CHD9: variants seen among roughly 807,000 people sequenced by gnomAD.
The protein encoded by CHD9 is chromodomain helicase DNA binding protein 9.
In CHD9, 77 loss-of-function variants were observed where a neutral mutation model predicts 316.1. That is an observed-to-expected ratio of 0.24 (90% CI 0.20 to 0.29). CHD9 has a LOEUF of 0.29. Among genes scored for constraint, CHD9 ranks in the 10% least tolerant of loss-of-function variants. The probability of loss-of-function intolerance (pLI) is 1.00; values close to 1 mark genes in which losing one functional copy is unlikely to be tolerated. For synonymous variants in CHD9, 1,129 were observed against 1,158.3 expected, an observed-to-expected ratio of 0.97 and a Z score of 0.51; for missense variants, 2,763 against 3,438.1, an observed-to-expected ratio of 0.80 and a Z score of 4.91.
At chr16:53,272,984 G>C (rs1404736364) in intron 22 of CHD9, among the ~76,000 whole-genome samples, 1 of 152,086 alleles carries the variant, frequency 6.6e-6, no homozygotes, top group East Asian at 1.9e-4. Flanking sequence ...AGCTACTCAG[G>C]AGGCTGAGGG....
intron 2 of CHD9, chr16:53,208,174 A>G: frequency 9.2e-7 from 1 of 1,092,190 alleles, no homozygotes; most frequent in Non-Finnish European, 1.1e-6. Context: ...TGATAAATCA[A>G]AATGTGTATT....
rs1440208008 is a variant in CHD9 at position 53,254,583 on chromosome 16, G to A, written c.4007G>A (p.Gly1336Glu). 1 of 1,606,322 alleles carries A rather than the reference G, an allele frequency of 6.2e-7. No homozygotes were observed. Among genetic ancestry groups the A allele is most frequent in the Non-Finnish European group, 8.5e-7 (1 of 1,176,004 alleles). Reference sequence around the variant, plus strand: ...AAAGCTGTGTTACAGAGCATGAGTGGAAGAGAAAGTAATGTTGGTGGTGTA... The same window carrying A: ...AAAGCTGTGTTACAGAGCATGAGTGAAAGAGAAAGTAATGTTGGTGGTGTA... Reference protein sequence around the residue: ...LDKAVLQSMSGRESNVGGIQQ... With the variant: ...LDKAVLQSMSERESNVGGIQQ... Residue 1336 changes from glycine to glutamate, a missense_variant, in exon 18 of 39, where the codon GGA becomes GAA. Around this residue, in one of 15 missense-constraint regions of CHD9, gnomAD observed 199 missense variants for 251.7 expected, o/e 0.79. Coordinates refer to ENST00000447540, the MANE Select transcript of CHD9 (RefSeq NM_001308319.2).
intron 13 of CHD9, among the ~76,000 whole-genome samples, chr16:53,244,016 A>G (rs2049335510): frequency 6.6e-6 from 1 of 152,150 alleles, no homozygotes; most frequent in Non-Finnish European, 1.5e-5. Context: ...ATTTGCTGCC[A>G]TATACATAAT....
chr16:53,132,055 C>T (rs2039366317), intron 1 of CHD9, among the ~76,000 whole-genome samples: 1 of 152,186 alleles, frequency 6.6e-6, no homozygotes, highest in South Asian at 2.1e-4. Context: ...GCTGCCAGCT[C>T]AGACTGGTTT....
At chr16:53,151,877 A>G (rs900567455) in intron 1 of CHD9, among the ~76,000 whole-genome samples, 2 of 152,034 alleles carry the variant, frequency 1.3e-5, no homozygotes, top group Non-Finnish European at 2.9e-5. Flanking sequence ...GTTTTTGACC[A>G]TCAAATCTAA....
At chr16:53,181,882 C>A (rs2043553326) in intron 2 of CHD9, among the ~76,000 whole-genome samples, 1 of 152,112 alleles carries the variant, frequency 6.6e-6, no homozygotes, top group Admixed American at 6.5e-5. Context: ...GAGTTTGAGA[C>A]CAGCCTGGCC....
chr16:53,100,453 C>CTTTTTTTTTTTTTTT (rs61450186), intron 1 of CHD9, among the ~76,000 whole-genome samples: 1 of 129,636 alleles, frequency 7.7e-6, no homozygotes, highest in Non-Finnish European at 1.7e-5. Flanking sequence ...ACTCATTCGT[C>CTTTTTTTTTTTTTTT]TTTTTTTTTT....
At position 53,106,606 on chromosome 16, in the gene CHD9, A is replaced by G. The variant is rs556541331; in HGVS notation, c.-164-49320A>G. Reference sequence around the variant, plus strand: ...ATCATTGTTAGCTGAGAGGAAAAGAAAAAAGGTTCATAATCTAGTTAAAGA... The same window carrying G: ...ATCATTGTTAGCTGAGAGGAAAAGAGAAAAGGTTCATAATCTAGTTAAAGA... On this transcript the variant is annotated intron_variant, in intron 1 of 38. Transcript: ENST00000447540. Among the ~76,000 whole-genome samples the G allele has an allele frequency of 2.0e-5, 3 of 152,290 alleles. No individual in the cohort carries two copies. The South Asian group carries it at 6.2e-4, about 32-fold the overall frequency.
chr16:53,058,740 A>C (rs1432470723), intron 1 of CHD9, among the ~76,000 whole-genome samples: 1 of 152,188 alleles, frequency 6.6e-6, no homozygotes, highest in Non-Finnish European at 1.5e-5. Flanking sequence ...ATGCTGTTAA[A>C]TGACTTGCCC....
intron 1 of CHD9, among the ~76,000 whole-genome samples, chr16:53,101,985 T>C (rs897314435): frequency 6.6e-6 from 1 of 152,114 alleles, no homozygotes; most frequent in Non-Finnish European, 1.5e-5. Context: ...AGGAAAAAAG[T>C]GGAGGTCAGG....
chr16:53,058,025 G>A (rs1263462920), intron 1 of CHD9, among the ~76,000 whole-genome samples: 2 of 152,160 alleles, frequency 1.3e-5, no homozygotes, highest in East Asian at 1.9e-4. Context: ...GGTAAGCTTC[G>A]TTCAGGCATG....
chr16:53,289,504 A>G (rs140407516), intron 27 of CHD9, among the ~76,000 whole-genome samples: 2 of 152,354 alleles, frequency 1.3e-5, no homozygotes, highest in East Asian at 3.9e-4. Flanking sequence ...TCATAAAGGG[A>G]GAAATGATTT....
At chr16:53,219,086 T>C (rs914869357) in intron 3 of CHD9, among the ~76,000 whole-genome samples, 4 of 152,174 alleles carry the variant, frequency 2.6e-5, no homozygotes, top group African/African-American at 9.7e-5. Context: ...TTTCTTGATC[T>C]GGAAGCTGGC....
At chr16:53,261,005 C>A (rs2051035928) in intron 19 of CHD9, among the ~76,000 whole-genome samples, 3 of 151,340 alleles carry the variant, frequency 2.0e-5, no homozygotes, top group Admixed American at 2.0e-4. Flanking sequence ...TCTTTGGGGA[C>A]CATTATTCAG....
At chr16:53,256,865 T>G (rs1275307165) in intron 19 of CHD9, among the ~76,000 whole-genome samples, 2 of 152,164 alleles carry the variant, frequency 1.3e-5, no homozygotes, top group Admixed American at 1.3e-4. Flanking sequence ...TGGGGAATAT[T>G]GTGGTATAGC....
rs1461477048 is a variant in CHD9 at position 53,157,500 on chromosome 16, C to G, written c.1411C>G (p.Gln471Glu). The G allele has an allele frequency of 3.1e-6, 5 of 1,613,736 alleles. No individual in the cohort carries two copies. The highest frequency in any genetic ancestry group is 3.3e-5 in the Admixed American group (2 of 59,996). ...TTGGCATTCATCATTTTCTAATCAT[C>G]AGCATTTACATGACAGAAATCACCT... ...RSWHSSFSNH[Q>E]HLHDRNHLCL... Residue 471 changes from glutamine (Q) to glutamate (E), a missense_variant, in exon 2 of 39, where the codon CAG becomes GAG. Around this residue, in one of 15 missense-constraint regions of CHD9, gnomAD observed 859 missense variants for 890.4 expected, o/e 0.96. Transcript: ENST00000447540.
intron 24 of CHD9, among the ~76,000 whole-genome samples, chr16:53,277,127 A>T (rs1343875452): frequency 6.6e-6 from 1 of 152,180 alleles, no homozygotes; most frequent in East Asian, 1.9e-4. Flanking sequence ...ATTACCAACA[A>T]CAAAAAAAGT....
chr16:53,311,676 C>A (rs999688313), intron 34 of CHD9: 1 of 152,132 alleles, frequency 6.6e-6, no homozygotes, highest in Non-Finnish European at 1.5e-5. Context: ...TAGATTATAA[C>A]AAGAGGACAA....
chr16:53,185,099 G>A (rs2043868913), intron 2 of CHD9, among the ~76,000 whole-genome samples: 1 of 152,184 alleles, frequency 6.6e-6, no homozygotes, highest in Non-Finnish European at 1.5e-5. Context: ...AGAGAGTGGG[G>A]CACTGCTGTA....
Sources: allele counts gnomAD v4.1 joint callset (sites outside exome capture counted in the v4.1 genomes callset), GRCh38; gene constraint gnomAD v4.1.1; regional missense constraint gnomAD v4.1.1; transcripts MANE v1.5; gene names NCBI Gene and HGNC (gene_info 2026-07-23, HGNC 2026-07-21).